Variants in SORL1 observed in about 807,000 individuals in gnomAD.
The protein encoded by SORL1 is sortilin related receptor 1, also known as sortilin-related receptor.
In SORL1, 127 loss-of-function variants were observed where a neutral mutation model predicts 273.7. The observed-to-expected ratio is 0.46, with a 90% CI of 0.40 to 0.54. SORL1 has a LOEUF of 0.54. Ranked by LOEUF, SORL1 falls within the 20% of genes least tolerant of loss-of-function variation. The probability of loss-of-function intolerance (pLI) is 0.00; values close to 1 mark genes in which losing one functional copy is unlikely to be tolerated. For synonymous variants in SORL1, 1,031 were observed against 1,067.4 expected (o/e 0.97, Z 0.66); for missense variants, 2,494 against 2,846.1 (o/e 0.88, Z 2.81).
intron 37 of SORL1, among the ~76,000 whole-genome samples, chr11:121,607,611 C>T (rs1419790476): frequency 6.6e-6 from 1 of 152,320 alleles, no homozygotes; most frequent in Non-Finnish European, 1.5e-5. Flanking sequence ...TTATCTTTAG[C>T]TGCAGGATGA....
chr11:121,577,170 A>T, intron 24 of SORL1, 111 bp from the exon 25 acceptor site: 1 of 1,353,770 alleles, frequency 7.4e-7, no homozygotes, highest in African/African-American at 1.5e-5. Context: ...GTCTCTGTGG[A>T]TCATTGGTGA....
At chr11:121,486,004 A>C (rs554824906) in intron 3 of SORL1, among the ~76,000 whole-genome samples, 9 of 152,166 alleles carry the variant, frequency 5.9e-5, no homozygotes, top group Non-Finnish European at 7.4e-5. Context: ...AAAAGGAGTG[A>C]GCACATCTGA....
rs1860822078 is a variant in SORL1 at position 121,452,636 on chromosome 11, G to T, written c.285+20G>T. On this transcript the variant is annotated intron_variant, in intron 1 of 47. Coordinates refer to ENST00000260197, the MANE Select transcript of SORL1 (RefSeq NM_003105.6). This position sits in a 1 kb window ranked among gnomAD's most constrained non-coding sequence, Gnocchi z 5.3. The stretch of plus-strand genomic sequence containing the variant: ...GGACAGGTGAGCAGTTTTGCAACCC[G>T]CCTCCCTCCAGTTTTTTCCTCTCCC... 1 of 1,439,228 alleles carries T rather than the reference G, an allele frequency of 6.9e-7. No homozygotes were observed. Among genetic ancestry groups the T allele is most frequent in the Non-Finnish European group, 9.1e-7 (1 of 1,099,318 alleles). The allele number at this position is 1,439,228 out of a possible 1,614,324, so 89.2% of individuals were successfully genotyped here.
At chr11:121,479,238 G>A (rs934414829) in intron 3 of SORL1, among the ~76,000 whole-genome samples, 2 of 152,134 alleles carry the variant, frequency 1.3e-5, no homozygotes, top group East Asian at 1.9e-4. Flanking sequence ...GGCAGGAACC[G>A]GGCAGCCGGC....
chr11:121,580,278 G>A (rs1406148389), intron 25 of SORL1, among the ~76,000 whole-genome samples: 1 of 152,184 alleles, frequency 6.6e-6, no homozygotes, highest in Non-Finnish European at 1.5e-5. Context: ...TCGTTGGACT[G>A]CCTCATTCTG....
rs557985504 is a variant in SORL1 at position 121,615,260 on chromosome 11, G to GT, written c.5604+209dup. Among the ~76,000 whole-genome samples the GT allele has an allele frequency of 2.4e-3, 372 of 152,192 alleles. 3 individuals are homozygous for GT. The highest frequency in any genetic ancestry group is 8.3e-3 in the African/African-American group (346 of 41,526). On this transcript the variant is annotated intron_variant, in intron 41 of 47. Coordinates refer to ENST00000260197, the MANE Select transcript of SORL1 (RefSeq NM_003105.6). Reference sequence around the variant, plus strand: ...ATCTGTGCTCCTTTTTGAGTCTACTGTTTTACTTTCCACTCCTCCCCAGTG... The same window carrying GT: ...ATCTGTGCTCCTTTTTGAGTCTACTGTTTTTACTTTCCACTCCTCCCCAGTG...
At chr11:121,552,212 C>G (rs1317925045) in intron 16 of SORL1, among the ~76,000 whole-genome samples, 1 of 152,028 alleles carries the variant, frequency 6.6e-6, no homozygotes, top group South Asian at 2.1e-4. Context: ...TAATGGGGGC[C>G]GTAATATCTT....
chr11:121,575,364 A>T (rs1354382613), intron 24 of SORL1, among the ~76,000 whole-genome samples: 1 of 152,248 alleles, frequency 6.6e-6, no homozygotes, highest in Non-Finnish European at 1.5e-5. Context: ...ATGGTGTGCC[A>T]GATTGAGGCA....
At position 121,547,250 on chromosome 11, in the gene SORL1, C is replaced by T. The variant is rs370113332; in HGVS notation, c.2051+1821C>T. 3.2e-4 allele frequency among the ~76,000 whole-genome samples: 49 copies of T among 151,692 alleles called. 1 individual carries two copies. In the South Asian group the frequency reaches 6.5e-3, roughly 20 times the overall value. On this transcript the variant is annotated intron_variant, in intron 14 of 47. Transcript: ENST00000260197. Reference sequence around the variant, plus strand: ...AAGATCATAGTGCCCTCTCTCTCCCCTCTTCCTATCCCCAATATGTACTTC... The same window carrying T: ...AAGATCATAGTGCCCTCTCTCTCCCTTCTTCCTATCCCCAATATGTACTTC...
intron 1 of SORL1, among the ~76,000 whole-genome samples, chr11:121,457,455 G>A (rs933726544): frequency 6.6e-6 from 1 of 152,164 alleles, no homozygotes; most frequent in African/African-American, 2.4e-5. Flanking sequence ...TGTACAACAT[G>A]TATGTACATA....
Position 121,588,148 on chromosome 11 carries a change from T to C in SORL1, c.3943T>C (p.Cys1315Arg). The change falls in exon 28 of 48, where the codon TGC becomes CGC. Residue 1315 changes from cysteine (C) to arginine (R), a missense_variant. By Grantham distance (180) the Cys-to-Arg change is radical. This residue lies in a region of SORL1 where 1,609 missense variants were observed against 1,816.4 expected (regional missense o/e 0.89). Coordinates refer to ENST00000260197, the MANE Select transcript of SORL1 (RefSeq NM_003105.6). ...CGATGAGGATGCGGCGTTTGCAGGA[T>C]GCTGTGAGTTGGGGCAGGCAGGGGA... The part of the protein sequence containing the change: ...GSDEDAAFAG[C>R]SQDPEFHKVC... The C allele has an allele frequency of 6.2e-7, 1 of 1,613,032 alleles. No homozygotes were observed. Among genetic ancestry groups the C allele is most frequent in the Non-Finnish European group, 8.5e-7 (1 of 1,179,366 alleles).
In SORL1 at chr11:121,478,171, A is replaced by G. The variant is rs1591553027; in HGVS notation, c.456A>G (p.Leu152=). Residue 152 remains leucine, a synonymous_variant, in exon 3 of 48, where the codon TTA becomes TTG. Transcript: ENST00000260197. The stretch of plus-strand genomic sequence containing the variant: ...CATTCAAGAAAATTTCAGACAAGTT[A>G]AACTTTGGCTTGGGAAATAGGAGTG... ...GKSFKKISDK[L]NFGLGNRSEA... 1 of 1,614,154 alleles carries G rather than the reference A, an allele frequency of 6.2e-7. No homozygotes were observed. Among genetic ancestry groups the G allele is most frequent in the African/African-American group, 1.3e-5 (1 of 75,030 alleles).
At chr11:121,551,391 A>G (rs898539837) in intron 16 of SORL1, among the ~76,000 whole-genome samples, 2 of 152,232 alleles carry the variant, frequency 1.3e-5, no homozygotes, top group African/African-American at 4.8e-5. Flanking sequence ...TTCACATGCT[A>G]TAAAGGTATA....
chr11:121,612,679 T>C, intron 39 of SORL1, 57 bp from the exon 40 acceptor site: 1 of 1,240,140 alleles, frequency 8.1e-7, no homozygotes, highest in South Asian at 1.2e-5. Flanking sequence ...CTGCCTTTTG[T>C]ATTTAGTGTG....
chr11:121,487,432 G>C (rs1861491640), intron 3 of SORL1, among the ~76,000 whole-genome samples: 1 of 152,206 alleles, frequency 6.6e-6, no homozygotes, highest in Admixed American at 6.5e-5. Flanking sequence ...GCTCACCAGA[G>C]CTACTTACTG....
intron 5 of SORL1, among the ~76,000 whole-genome samples, chr11:121,495,704 T>C (rs1861619375): frequency 6.6e-6 from 1 of 152,202 alleles, no homozygotes; most frequent in South Asian, 2.1e-4. Context: ...AGATAAGTTG[T>C]CCTCTGAGCT....
intron 3 of SORL1, among the ~76,000 whole-genome samples, chr11:121,486,969 C>T (rs980701471): frequency 2.6e-5 from 4 of 152,126 alleles, no homozygotes; most frequent in African/African-American, 9.7e-5. Context: ...CTCAAATAAA[C>T]AAGACTCTCA....
intron 12 of SORL1, among the ~76,000 whole-genome samples, chr11:121,538,770 C>G (rs1000881248): frequency 3.3e-5 from 5 of 152,118 alleles, no homozygotes; most frequent in African/African-American, 9.7e-5. Flanking sequence ...CCTCCGCCTC[C>G]CAGGTTCAAG....
chr11:121,600,899 C>CTTT (rs11218357), intron 32 of SORL1, among the ~76,000 whole-genome samples: 1 of 151,370 alleles, frequency 6.6e-6, no homozygotes, highest in African/African-American at 2.4e-5. Flanking sequence ...ATTTAAGGCT[C>CTTT]TTTTTTTTTA....
Sources: allele counts gnomAD v4.1 joint callset (sites outside exome capture counted in the v4.1 genomes callset), GRCh38; gene constraint gnomAD v4.1.1; regional missense constraint gnomAD v4.1.1; non-coding constraint Gnocchi (gnomAD v3.1); transcripts MANE v1.5; gene names NCBI Gene and HGNC (gene_info 2026-07-23, HGNC 2026-07-21).